Variants in MAPK10 observed in about 807,000 individuals in gnomAD.
MAPK10 encodes the protein mitogen-activated protein kinase 10, also known as JNK3 alpha protein kinase.
MAPK10 carries 25 observed loss-of-function variants against 59.3 expected under a neutral mutation model. The ratio of observed to expected loss-of-function variants is 0.42; its 90% CI spans 0.31 to 0.59. The LOEUF is 0.59. Among genes scored for constraint, MAPK10 ranks in the 20% least tolerant of loss-of-function variants. The pLI is 0.15. For synonymous variants in MAPK10, 190 were observed against 200.5 expected (o/e 0.95, Z 0.44); for missense variants, 351 against 568.9 (o/e 0.62, Z 3.90).
intron 2 of MAPK10, among the ~76,000 whole-genome samples, chr4:86,331,289 C>A (rs1248919815): frequency 6.6e-6 from 1 of 152,118 alleles, no homozygotes; most frequent in Non-Finnish European, 1.5e-5. Flanking sequence ...GTAGAAAATT[C>A]TGTACAAAGT....
chr4:86,588,630 GTATATAAATA>G (rs1762801666), intron 1 of MAPK10, among the ~76,000 whole-genome samples: 2 of 152,084 alleles, frequency 1.3e-5, no homozygotes, highest in African/African-American at 2.4e-5. Flanking sequence ...ATCTGGTCAT[GTATATAAATA>G]TATGTAGGAT....
intron 2 of MAPK10, among the ~76,000 whole-genome samples, chr4:86,282,346 A>G (rs954434690): frequency 1.3e-5 from 2 of 152,196 alleles, no homozygotes; most frequent in Admixed American, 6.5e-5. Flanking sequence ...TACCATTGTT[A>G]TGATATTAAA....
intron 4 of MAPK10, among the ~76,000 whole-genome samples, chr4:86,113,146 G>C (rs1369607052): frequency 6.6e-6 from 1 of 152,084 alleles, no homozygotes; most frequent in Non-Finnish European, 1.5e-5. Flanking sequence ...ATAGCACACT[G>C]TTGGGTCTTG....
chr4:86,547,559 G>A (rs1446913121), intron 1 of MAPK10, among the ~76,000 whole-genome samples: 1 of 152,190 alleles, frequency 6.6e-6, no homozygotes. Flanking sequence ...GGGCTCCTGT[G>A]CCGCGGAGCC....
chr4:86,584,443 T>C (rs1449878009), intron 1 of MAPK10, among the ~76,000 whole-genome samples: 1 of 152,096 alleles, frequency 6.6e-6, no homozygotes, highest in Non-Finnish European at 1.5e-5. Context: ...GTAAGAAATT[T>C]TGGGGAGTAT....
chr4:86,180,260 T>C (rs1220319217), intron 3 of MAPK10, among the ~76,000 whole-genome samples: 2 of 151,898 alleles, frequency 1.3e-5, no homozygotes, highest in Admixed American at 1.3e-4. Flanking sequence ...ATCAGAAAAC[T>C]ACAAATCAAA....
chr4:86,152,686 G>A (rs936696677), intron 4 of MAPK10: 3 of 151,944 alleles, frequency 2.0e-5, no homozygotes, highest in African/African-American at 7.3e-5. Context: ...TAGAGAGAAG[G>A]GCCAACTACC....
At chr4:86,218,773 T>C (rs1237129885) in intron 2 of MAPK10, among the ~76,000 whole-genome samples, 1 of 152,152 alleles carries the variant, frequency 6.6e-6, no homozygotes, top group Non-Finnish European at 1.5e-5. Flanking sequence ...TTAAGTGATA[T>C]GGAAAAATCT....
At chr4:86,504,008 A>T (rs74586794) in intron 1 of MAPK10, among the ~76,000 whole-genome samples, 7,364 of 152,182 alleles carry the variant, frequency 0.048, 237 homozygotes, top group African/African-American at 0.061. Flanking sequence ...AAATGTCTAT[A>T]CAAATGTCAC....
intron 2 of MAPK10, among the ~76,000 whole-genome samples, chr4:86,212,161 A>T (rs930015277): frequency 1.6e-5 from 2 of 128,004 alleles, no homozygotes; most frequent in African/African-American, 8.2e-5. Flanking sequence ...AATGGATTTA[A>T]AAAAAAAACA....
intron 2 of MAPK10, among the ~76,000 whole-genome samples, chr4:86,267,799 A>T (rs1031949685): frequency 6.6e-6 from 1 of 151,544 alleles, no homozygotes; most frequent in Non-Finnish European, 1.5e-5. Flanking sequence ...GATCTCACTT[A>T]AAAAAAAATT....
At chr4:86,381,094 A>T (rs1401384377) in intron 1 of MAPK10, among the ~76,000 whole-genome samples, 5 of 152,016 alleles carry the variant, frequency 3.3e-5, no homozygotes, top group Admixed American at 6.6e-5. Context: ...AAAATTGAAA[A>T]TTTTCATGTA....
chr4:86,461,680 CAGCTAA>C (rs1346740963), intron 1 of MAPK10, among the ~76,000 whole-genome samples: 8 of 152,158 alleles, frequency 5.3e-5, no homozygotes, highest in Non-Finnish European at 7.3e-5. Context: ...ATTTGTTTGC[CAGCTAA>C]AGCTAAAGCG....
chr4:86,172,949 T>C (rs1213855727), intron 3 of MAPK10, among the ~76,000 whole-genome samples: 1 of 151,822 alleles, frequency 6.6e-6, no homozygotes, highest in African/African-American at 2.4e-5. Flanking sequence ...ACAAAACCAC[T>C]GTTCAAAGAA....
chr4:86,439,174 G>GA (rs1160232348), intron 1 of MAPK10, among the ~76,000 whole-genome samples: 8 of 151,626 alleles, frequency 5.3e-5, no homozygotes, highest in Non-Finnish European at 1.0e-4. Context: ...TATGAGTTTT[G>GA]AAAAATGCAT....
At chr4:86,430,354 T>G (rs889010298) in intron 1 of MAPK10, among the ~76,000 whole-genome samples, 1 of 152,214 alleles carries the variant, frequency 6.6e-6, no homozygotes, top group African/African-American at 2.4e-5. Context: ...CTAAAGTCTT[T>G]GTCTACCGCC....
chr4:86,230,462 T>C (rs1227307580), intron 2 of MAPK10, among the ~76,000 whole-genome samples: 2 of 152,230 alleles, frequency 1.3e-5, no homozygotes, highest in African/African-American at 4.8e-5. Context: ...ATTTTAAAAA[T>C]AGACTATCTC....
At chr4:86,304,381 GTATT>G (rs2095525158) in intron 2 of MAPK10, among the ~76,000 whole-genome samples, 1 of 142,794 alleles carries the variant, frequency 7.0e-6, no homozygotes, top group Admixed American at 7.1e-5. Flanking sequence ...TTGTTTTGGA[GTATT>G]TCTTTTTTTT....
intron 2 of MAPK10, among the ~76,000 whole-genome samples, chr4:86,336,834 A>C (rs1721738354): frequency 2.6e-5 from 3 of 115,388 alleles, no homozygotes; most frequent in Non-Finnish European, 4.8e-5. Context: ...ACTGTCACCC[A>C]GGCTGGAGTG....
Sources: allele counts gnomAD v4.1 joint callset (sites outside exome capture counted in the v4.1 genomes callset), GRCh38; gene constraint gnomAD v4.1.1; transcripts MANE v1.5; gene names NCBI Gene and HGNC (gene_info 2026-07-23, HGNC 2026-07-21).